Variants in KMT2E observed in about 807,000 individuals in gnomAD.
The protein encoded by KMT2E is histone reader KMT2E.
A neutral mutation model predicts 184.6 loss-of-function variants in KMT2E; 30 were observed. The observed-to-expected ratio is 0.16, with a 90% confidence interval of 0.12 to 0.22. The LOEUF (loss-of-function observed/expected upper bound fraction) is 0.22, where lower values mean the gene tolerates loss of function less well. Ranked by LOEUF, KMT2E falls within the 10% of genes least tolerant of loss-of-function variation. The pLI, the probability that KMT2E is intolerant of heterozygous loss-of-function variation, is 1.00. For synonymous variants in KMT2E, 815 were observed against 776.5 expected (o/e 1.05, Z -0.82); for missense variants, 2,023 against 2,237.4 (o/e 0.90, Z 1.93).
intron 15 of KMT2E, among the ~76,000 whole-genome samples, chr7:105,093,919 C>G (rs1471469584): frequency 6.6e-6 from 1 of 152,056 alleles, no homozygotes. Context: ...ATGTGGAAAA[C>G]TTGCAAAGTA....
At chr7:105,076,731 A>G (rs1406896973) in intron 9 of KMT2E, among the ~76,000 whole-genome samples, 1 of 152,174 alleles carries the variant, frequency 6.6e-6, no homozygotes, top group Non-Finnish European at 1.5e-5. Flanking sequence ...TAAAATTGTC[A>G]CATTAAATAG....
At chr7:105,091,029 A>G (rs1365454793) in intron 14 of KMT2E, among the ~76,000 whole-genome samples, 187 bp from the exon 15 acceptor site, 1 of 152,238 alleles carries the variant, frequency 6.6e-6, no homozygotes, top group East Asian at 1.9e-4. Flanking sequence ...AAAAAGCGAA[A>G]GTATTTGATT....
chr7:105,037,025 A>G (rs532093641), intron 1 of KMT2E, among the ~76,000 whole-genome samples: 33 of 152,194 alleles, frequency 2.2e-4, no homozygotes, highest in Non-Finnish European at 4.7e-4. Context: ...ATGTTAAATG[A>G]CTAATAAGGG....
At chr7:105,072,344 C>A (rs1420699902) in intron 6 of KMT2E, among the ~76,000 whole-genome samples, 1 of 151,824 alleles carries the variant, frequency 6.6e-6, no homozygotes, top group African/African-American at 2.4e-5. Flanking sequence ...AAACAAAAAA[C>A]AAAAAAACTT....
rs537178146 is a variant in KMT2E, at chr7:105,038,673, T to C, written c.-115+474T>C. The C allele has an allele frequency of 2.6e-5, 4 of 152,310 alleles. No individual in the cohort carries two copies. In the East Asian group the frequency reaches 7.7e-4, roughly 29 times the overall value. 9.4% of individuals were successfully genotyped at this position (152,310 alleles called of 1,614,324 possible). The stretch of plus-strand genomic sequence containing the variant: ...ACCATGCCCGGCCAGTTTTTGACTG[T>C]TTTTTAAACTCACTGTGTTAAAGGT... On this transcript the variant is annotated intron_variant, in intron 2 of 26. Transcript: ENST00000311117.
chr7:105,059,657 A>G (rs1796711456), intron 3 of KMT2E, among the ~76,000 whole-genome samples: 1 of 152,210 alleles, frequency 6.6e-6, no homozygotes, highest in Non-Finnish European at 1.5e-5. Context: ...ATTATTACCA[A>G]GAATAAAGTA....
In KMT2E at chr7:105,105,879, G is replaced by A. The variant is rs778921900; in HGVS notation, c.2472G>A (p.Leu824=). 4.3e-6 allele frequency: 7 copies of A among 1,612,706 alleles called. No individual in the cohort carries two copies. In the East Asian group the frequency reaches 1.6e-4, roughly 36 times the overall value. The part of the protein sequence containing the change: ...SCKKRWLKQA[L]EEENSAILHR... ...TTCAGCGATGGTTGAAACAAGCTCT[G>A]GAAGAAGAAAATTCAGCAATTTTAC... The change falls in exon 19 of 27, where the codon CTG becomes CTA. Residue 824 remains leucine (L), a synonymous_variant. Transcript: ENST00000311117.
intron 16 of KMT2E, 60 bp from the exon 17 acceptor site, chr7:105,101,826 A>C: frequency 7.7e-7 from 1 of 1,298,728 alleles, no homozygotes; most frequent in East Asian, 2.6e-5. Flanking sequence ...TAATGCTATT[A>C]TATTTAAACT....
rs148514867 is a variant in KMT2E, at chr7:105,046,432, C to A, written c.71+5409C>A. 7.2e-4 allele frequency among the ~76,000 whole-genome samples: 110 copies of A among 152,230 alleles called. 1 individual carries two copies. The highest frequency in any genetic ancestry group is 1.1e-3 in the Admixed American group (17 of 15,290). On this transcript the variant is annotated intron_variant, in intron 3 of 26. Transcript: ENST00000311117. Reference sequence around the variant, plus strand: ...TTGAATGGTTTCATGGTATTCCAGTCTAGAGGTATACCAAAATTAAGTTTT... The same window carrying A: ...TTGAATGGTTTCATGGTATTCCAGTATAGAGGTATACCAAAATTAAGTTTT...
chr7:105,098,078 C>G (rs1798491690), intron 15 of KMT2E, among the ~76,000 whole-genome samples: 1 of 152,122 alleles, frequency 6.6e-6, no homozygotes. Flanking sequence ...TTATTAGTAA[C>G]AAATAATCTT....
chr7:105,082,391 G>A (rs1797792387), intron 13 of KMT2E, among the ~76,000 whole-genome samples: 1 of 152,142 alleles, frequency 6.6e-6, no homozygotes, highest in South Asian at 2.1e-4. Flanking sequence ...ATAGCCTACG[G>A]TTGACTGGAA....
chr7:105,081,578 C>T, intron 12 of KMT2E, 110 bp from the exon 13 acceptor site: 1 of 667,792 alleles, frequency 1.5e-6, no homozygotes, highest in Non-Finnish European at 2.6e-6. Context: ...ACATATTTTC[C>T]AGGTTGTGTT....
chr7:105,094,926 C>T (rs889974170), intron 15 of KMT2E, among the ~76,000 whole-genome samples: 1 of 152,110 alleles, frequency 6.6e-6, no homozygotes, highest in Non-Finnish European at 1.5e-5. Flanking sequence ...AAATGTATCC[C>T]TTGTGAATAA....
At chr7:105,069,426 C>T (rs1797188544) in intron 6 of KMT2E, among the ~76,000 whole-genome samples, 2 of 152,106 alleles carry the variant, frequency 1.3e-5, no homozygotes, top group South Asian at 4.1e-4. Context: ...AGTAACAACA[C>T]CAGCAACACT....
At chr7:105,020,112 A>G (rs1322169689) in intron 1 of KMT2E, among the ~76,000 whole-genome samples, 1 of 151,654 alleles carries the variant, frequency 6.6e-6, no homozygotes, top group Non-Finnish European at 1.5e-5. Context: ...TGTCTCAAAA[A>G]AAAAAAAAAA....
At chr7:105,045,515 G>A (rs948654612) in intron 3 of KMT2E, among the ~76,000 whole-genome samples, 2 of 151,986 alleles carry the variant, frequency 1.3e-5, no homozygotes, top group Non-Finnish European at 2.9e-5. Flanking sequence ...GCCTATTCTA[G>A]ATACCTCATA....
intron 26 of KMT2E, 43 bp downstream of exon 26, chr7:105,110,911 T>C (rs1430883531): frequency 7.3e-7 from 1 of 1,372,634 alleles, no homozygotes; most frequent in Non-Finnish European, 1.0e-6. Context: ...GGACTTTAGG[T>C]TGAGTGCAGA....
At chr7:105,063,728 GCCT>G in intron 5 of KMT2E, 148 bp downstream of exon 5, 2 of 588,760 alleles carry the variant, frequency 3.4e-6, no homozygotes, top group Non-Finnish European at 5.8e-6. Context: ...CCTAGAAAAA[GCCT>G]CCTATGTGAA....
At position 105,087,040 on chromosome 7, in the gene KMT2E, T is replaced by C. The variant is rs543132243; in HGVS notation, c.1359-2969T>C. Among the ~76,000 whole-genome samples, 481 of 147,230 alleles carry C rather than the reference T, an allele frequency of 3.3e-3. 3 individuals are homozygous for C. Among genetic ancestry groups the C allele is most frequent in the African/African-American group, 0.011 (464 of 40,528 alleles). On this transcript the variant is annotated intron_variant, in intron 13 of 26. Coordinates refer to ENST00000311117, the MANE Select transcript of KMT2E (RefSeq NM_182931.3). Reference sequence around the variant, plus strand: ...ATAGCATATAATATAATATATGGCATGTATAATATATATAGCATATATAAT... The same window carrying C: ...ATAGCATATAATATAATATATGGCACGTATAATATATATAGCATATATAAT...
Sources: gnomAD v4.1 joint callset for allele counts (sites outside exome capture counted in the v4.1 genomes callset) on GRCh38, gnomAD v4.1.1 for gene constraint, MANE v1.5 for transcripts, NCBI Gene and HGNC (gene_info 2026-07-23, HGNC 2026-07-21) for gene names.